MPPED1: variants seen among roughly 807,000 people sequenced by gnomAD.
MPPED1 encodes the protein metallophosphoesterase domain-containing protein 1.
In MPPED1, 16 loss-of-function variants were observed where a neutral mutation model predicts 36.2. The ratio of observed to expected loss-of-function variants is 0.44; its 90% confidence interval spans 0.30 to 0.67. The LOEUF (loss-of-function observed/expected upper bound fraction) is 0.67. MPPED1 is among the 30% of genes least tolerant of loss of function. The pLI is 0.10. For missense variants in MPPED1, 307 were observed against 453.4 expected (o/e 0.68, Z 2.93); for synonymous variants, 199 against 191.3 (o/e 1.04, Z -0.33).
At chr22:43,482,035 G>A (rs1250476285) in intron 4 of MPPED1, among the ~76,000 whole-genome samples, 1 of 152,186 alleles carries the variant, frequency 6.6e-6, no homozygotes, top group Non-Finnish European at 1.5e-5. Flanking sequence ...TGCAGCCGGT[G>A]TTGGGCCTTC....
chr22:43,498,047 G>C (rs1189755607), intron 4 of MPPED1, among the ~76,000 whole-genome samples, 188 bp from the exon 5 acceptor site: 1 of 151,298 alleles, frequency 6.6e-6, no homozygotes, highest in South Asian at 2.1e-4. Flanking sequence ...AATTGCCTGG[G>C]GACCCACAGA....
intron 3 of MPPED1, among the ~76,000 whole-genome samples, chr22:43,463,806 C>T (rs1183273480): frequency 5.8e-5 from 7 of 121,578 alleles, no homozygotes; most frequent in African/African-American, 2.1e-4. Flanking sequence ...TTCATTTTTT[C>T]TTTTCTTTCT....
At chr22:43,498,730 C>T (rs1353391469) in intron 5 of MPPED1, among the ~76,000 whole-genome samples, 2 of 152,048 alleles carry the variant, frequency 1.3e-5, no homozygotes, top group Admixed American at 1.3e-4. Flanking sequence ...GGGGTCCCCA[C>T]TTCCTCACCC....
chr22:43,480,103 G>T (rs1159421415), intron 4 of MPPED1, among the ~76,000 whole-genome samples: 3 of 152,198 alleles, frequency 2.0e-5, no homozygotes, highest in Admixed American at 2.0e-4. Context: ...GGCTCAAGCA[G>T]TCCTCAGTGG....
At chr22:43,482,561 C>A (rs567717472) in intron 4 of MPPED1, among the ~76,000 whole-genome samples, 2 of 152,306 alleles carry the variant, frequency 1.3e-5, no homozygotes, top group African/African-American at 4.8e-5. Flanking sequence ...AGCTGTTTAA[C>A]CTTGGGTCAG....
intron 2 of MPPED1, among the ~76,000 whole-genome samples, chr22:43,426,964 A>ATGGGGGCCTTCCCTGGGC (rs1929500136): frequency 6.6e-6 from 1 of 152,068 alleles, no homozygotes; most frequent in Non-Finnish European, 1.5e-5. Context: ...GGCTGCAGGG[A>ATGGGGGCCTTCCCTGGGC]TGGGGGCCTT....
At chr22:43,426,392 G>A (rs915430556) in intron 2 of MPPED1, among the ~76,000 whole-genome samples, 5 of 152,124 alleles carry the variant, frequency 3.3e-5, no homozygotes, top group Non-Finnish European at 7.4e-5. Flanking sequence ...GCACAGGGAG[G>A]GGGGAGCTAT....
intron 5 of MPPED1, among the ~76,000 whole-genome samples, chr22:43,500,146 TGGG>T: frequency 3.2e-5 from 2 of 63,100 alleles, no homozygotes; most frequent in African/African-American, 6.3e-5. Flanking sequence ...ATGGAGGTGG[TGGG>T]GGTGGTGGTG....
intron 4 of MPPED1, among the ~76,000 whole-genome samples, chr22:43,480,378 C>A (rs1340140841): frequency 6.6e-6 from 1 of 152,202 alleles, no homozygotes; most frequent in Non-Finnish European, 1.5e-5. Context: ...TCAGTCCTTG[C>A]AGTGGGTTGA....
intron 4 of MPPED1, among the ~76,000 whole-genome samples, chr22:43,476,726 C>G (rs1030431840): frequency 2.0e-5 from 3 of 152,124 alleles, no homozygotes; most frequent in Non-Finnish European, 4.4e-5. Context: ...TCACGATGTA[C>G]AGGGTCTTGG....
intron 4 of MPPED1, among the ~76,000 whole-genome samples, chr22:43,483,445 G>A (rs945699388): frequency 3.9e-5 from 6 of 152,324 alleles, no homozygotes; most frequent in Non-Finnish European, 8.8e-5. Context: ...CCCTTCCCAG[G>A]AAGCCCCCCA....
rs1354988382 is a variant in MPPED1, at chr22:43,435,149, A to G, written c.340A>G (p.Ile114Val). 7 of 1,613,448 alleles carry G rather than the reference A, an allele frequency of 4.3e-6. No homozygotes were observed. The highest frequency in any genetic ancestry group is 5.9e-6 in the Non-Finnish European group (7 of 1,179,904). Reference protein sequence around the residue: ...PIQMPYGDVLIHAGDFTELGL... With the variant: ...PIQMPYGDVLVHAGDFTELGL... ...CCAGATGCCGTACGGCGACGTGCTG[A>G]TCCACGCTGGGGACTTCACTGAGCT... Residue 114 changes from isoleucine (I) to valine (V), a missense_variant, in exon 3 of 7, where the codon ATC becomes GTC. Around this residue, in one of 3 missense-constraint regions of MPPED1, gnomAD observed 169 missense variants for 212.3 expected, o/e 0.80. Coordinates refer to ENST00000443721, the MANE Select transcript of MPPED1 (RefSeq NM_001044370.2).
chr22:43,435,316 G>A (rs909055217), intron 3 of MPPED1, 101 bp downstream of exon 3: 11 of 1,337,182 alleles, frequency 8.2e-6, no homozygotes, highest in Admixed American at 4.3e-5. Context: ...TGCGCTGCCC[G>A]GGCCCCCTCC....
chr22:43,501,391 C>G (rs1932729963), intron 5 of MPPED1, among the ~76,000 whole-genome samples: 1 of 151,756 alleles, frequency 6.6e-6, no homozygotes, highest in Non-Finnish European at 1.5e-5. Flanking sequence ...CCTTCTTTCT[C>G]TCCCTCTCTC....
At chr22:43,497,364 T>C (rs1932452144) in intron 4 of MPPED1, among the ~76,000 whole-genome samples, 1 of 151,992 alleles carries the variant, frequency 6.6e-6, no homozygotes, top group South Asian at 2.1e-4. Flanking sequence ...GCCCGTATAA[T>C]TGGGAAGTGC....
intron 3 of MPPED1, among the ~76,000 whole-genome samples, chr22:43,439,237 G>T (rs1323412171): frequency 6.6e-6 from 1 of 152,218 alleles, no homozygotes; most frequent in Non-Finnish European, 1.5e-5. Context: ...TGGGATGAAA[G>T]AGTCCCTCTG....
intron 4 of MPPED1, among the ~76,000 whole-genome samples, chr22:43,495,477 A>AGGAGAT (rs1932249857): frequency 6.5e-5 from 1 of 15,366 alleles, no homozygotes; most frequent in African/African-American, 6.5e-4. Context: ...GTGATGGTGG[A>AGGAGAT]GGTGGTGGTG....
Position 43,506,520 on chromosome 22 carries a change from A to G in MPPED1, c.*904A>G, listed in dbSNP as rs1476068944. 1 of 152,202 alleles carries G rather than the reference A, an allele frequency of 6.6e-6. No homozygotes were observed. The highest frequency in any genetic ancestry group is 2.4e-5 in the African/African-American group (1 of 41,422). 9.4% of individuals were successfully genotyped at this position (152,202 alleles called of 1,614,324 possible). A position where few individuals can be genotyped will look rare whatever the true frequency, so the allele number is the denominator to read the frequency against. ...GCACGCACCCCTCTTAATTGAACCA[A>G]GTGGGTCCTGTGTTTCTCTTTTCTG... On this transcript the variant is annotated 3_prime_UTR_variant, in exon 7 of 7. Coordinates refer to ENST00000443721, the MANE Select transcript of MPPED1 (RefSeq NM_001044370.2).
At chr22:43,500,137 TGGA>T (rs1230398834) in intron 5 of MPPED1, among the ~76,000 whole-genome samples, 1 of 84,982 alleles carries the variant, frequency 1.2e-5, no homozygotes. Context: ...GAGGTGGTAA[TGGA>T]GGTGGTGGGG....
Sources: allele counts gnomAD v4.1 joint callset (sites outside exome capture counted in the v4.1 genomes callset), GRCh38; gene constraint gnomAD v4.1.1; regional missense constraint gnomAD v4.1.1; transcripts MANE v1.5; gene names NCBI Gene and HGNC (gene_info 2026-07-23, HGNC 2026-07-21).